CSMD1: variants seen among roughly 807,000 people sequenced by gnomAD.
The protein encoded by CSMD1 is CUB and Sushi multiple domains 1.
CSMD1 carries 213 observed loss-of-function variants against 417.5 expected under a neutral mutation model. The ratio of observed to expected loss-of-function variants is 0.51; its 90% CI spans 0.46 to 0.57. The LOEUF is 0.57. Among genes scored for constraint, CSMD1 ranks in the 20% least tolerant of loss-of-function variants. The pLI, the probability that CSMD1 is intolerant of heterozygous loss-of-function variation, is 0.00. For synonymous variants in CSMD1, 2,862 were observed against 1,736.8 expected, an observed-to-expected ratio of 1.65 and a Z score of -16.11; for missense variants, 6,923 against 4,529.7, an observed-to-expected ratio of 1.53 and a Z score of -15.17.
At chr8:3,505,508 C>T (rs1438954181) in intron 10 of CSMD1, among the ~76,000 whole-genome samples, 3 of 152,102 alleles carry the variant, frequency 2.0e-5, no homozygotes, top group Non-Finnish European at 4.4e-5. Context: ...CATTATGGCC[C>T]CTGTAAATGA....
chr8:4,388,593 G>T (rs776284786), intron 3 of CSMD1, among the ~76,000 whole-genome samples: 53 of 152,112 alleles, frequency 3.5e-4, no homozygotes, highest in African/African-American at 1.2e-3. Flanking sequence ...TGCAAATAGG[G>T]TACAGTGTAT....
chr8:3,400,041 A>C (rs985419146), intron 15 of CSMD1, among the ~76,000 whole-genome samples: 10 of 152,330 alleles, frequency 6.6e-5, no homozygotes, highest in South Asian at 2.1e-4. Flanking sequence ...ACAAAACAAA[A>C]TGTTCAATCA....
chr8:3,202,843 T>C (rs1456556371), intron 31 of CSMD1, among the ~76,000 whole-genome samples: 2 of 152,208 alleles, frequency 1.3e-5, no homozygotes, highest in Non-Finnish European at 2.9e-5. Context: ...TCTTTTAAGA[T>C]TTTATAATTT....
intron 37 of CSMD1, among the ~76,000 whole-genome samples, chr8:3,180,615 C>G (rs1006064976): frequency 1.3e-5 from 2 of 152,066 alleles, no homozygotes; most frequent in Admixed American, 6.6e-5. Flanking sequence ...TAATTTGTCT[C>G]TCATAATGTA....
intron 1 of CSMD1, among the ~76,000 whole-genome samples, chr8:4,874,730 T>C (rs1039031671): frequency 6.6e-6 from 1 of 151,726 alleles, no homozygotes; most frequent in Non-Finnish European, 1.5e-5. Context: ...TCTGAATTCT[T>C]AACACCTTAA....
chr8:4,199,289 T>A (rs1799516160), intron 3 of CSMD1, among the ~76,000 whole-genome samples: 2 of 152,232 alleles, frequency 1.3e-5, no homozygotes, highest in African/African-American at 4.8e-5. Flanking sequence ...GTCATTGATA[T>A]GCAGGCAGTG....
At chr8:4,952,168 C>A (rs1333676160) in intron 1 of CSMD1, among the ~76,000 whole-genome samples, 1 of 151,948 alleles carries the variant, frequency 6.6e-6, no homozygotes, top group East Asian at 1.9e-4. Flanking sequence ...ATCACACACA[C>A]CTCTCCTACA....
At chr8:3,215,405 T>G (rs2116823067) in intron 29 of CSMD1, among the ~76,000 whole-genome samples, 1 of 152,344 alleles carries the variant, frequency 6.6e-6, no homozygotes, top group African/African-American at 2.4e-5. Context: ...TATTGAGGGC[T>G]CATTATGTAC....
intron 3 of CSMD1, among the ~76,000 whole-genome samples, chr8:4,154,678 G>A (rs111651659): frequency 3.9e-5 from 6 of 152,306 alleles, no homozygotes; most frequent in African/African-American, 1.4e-4. Flanking sequence ...GATAACCTGA[G>A]AATTCTCATT....
intron 4 of CSMD1, among the ~76,000 whole-genome samples, chr8:3,998,483 G>C (rs999946192): frequency 6.6e-6 from 1 of 152,180 alleles, no homozygotes; most frequent in Non-Finnish European, 1.5e-5. Flanking sequence ...TTAAAAACAT[G>C]TGGGCGTTTA....
chr8:4,613,808 G>T (rs1443697803), intron 2 of CSMD1, among the ~76,000 whole-genome samples: 1 of 147,818 alleles, frequency 6.8e-6, no homozygotes, highest in East Asian at 2.0e-4. Flanking sequence ...GATTCACATG[G>T]GAAATGGTTC....
chr8:4,488,293 A>C (rs1439574240), intron 2 of CSMD1, among the ~76,000 whole-genome samples: 3 of 152,190 alleles, frequency 2.0e-5, no homozygotes, highest in African/African-American at 7.2e-5. Context: ...CCTCTACTTC[A>C]TATAACCACA....
intron 11 of CSMD1, among the ~76,000 whole-genome samples, chr8:3,489,365 G>C (rs1818236916): frequency 6.6e-6 from 1 of 152,120 alleles, no homozygotes; most frequent in Non-Finnish European, 1.5e-5. Flanking sequence ...TAGAGGGACG[G>C]GCATTTTAAA....
At chr8:4,813,895 T>C (rs925916111) in intron 1 of CSMD1, among the ~76,000 whole-genome samples, 1 of 152,212 alleles carries the variant, frequency 6.6e-6, no homozygotes, top group East Asian at 1.9e-4. Flanking sequence ...TATTTACAAG[T>C]AGGTCAATCT....
At chr8:2,999,752 TG>T (rs1807233233) in intron 53 of CSMD1, among the ~76,000 whole-genome samples, 1 of 148,956 alleles carries the variant, frequency 6.7e-6, no homozygotes, top group African/African-American at 2.6e-5. Flanking sequence ...AAAAGGAGTT[TG>T]AAGGAAACAA....
chr8:3,866,717 T>C (rs1408782131), intron 5 of CSMD1, among the ~76,000 whole-genome samples: 1 of 152,070 alleles, frequency 6.6e-6, no homozygotes, highest in Middle Eastern at 3.2e-3. Context: ...AGGTAGTCCT[T>C]GGCCACTACA....
intron 3 of CSMD1, among the ~76,000 whole-genome samples, chr8:4,072,028 A>G (rs1211852255): frequency 6.6e-6 from 1 of 152,192 alleles, no homozygotes; most frequent in Non-Finnish European, 1.5e-5. Context: ...CTGGTTCAGA[A>G]AGAAAGTGGA....
chr8:3,397,069 T>A (rs1811749386), intron 16 of CSMD1, among the ~76,000 whole-genome samples: 1 of 152,052 alleles, frequency 6.6e-6, no homozygotes, highest in Admixed American at 6.6e-5. Flanking sequence ...TATATATATA[T>A]ATAAAGTTGC....
At chr8:4,517,213 A>G (rs1248740541) in intron 2 of CSMD1, among the ~76,000 whole-genome samples, 1 of 152,242 alleles carries the variant, frequency 6.6e-6, no homozygotes, top group African/African-American at 2.4e-5. Context: ...ATGATATCAT[A>G]TTACAATCAA....
Sources: allele counts gnomAD v4.1 joint callset (sites outside exome capture counted in the v4.1 genomes callset), GRCh38; gene constraint gnomAD v4.1.1; transcripts MANE v1.5; gene names NCBI Gene and HGNC (gene_info 2026-07-23, HGNC 2026-07-21).